Variants in R3HDM1 observed in about 807,000 individuals in gnomAD.
The protein encoded by R3HDM1 is R3H domain-containing protein 1.
In R3HDM1, 46 loss-of-function variants were observed where a neutral mutation model predicts 141.1. That is an observed-to-expected ratio of 0.33 (90% CI 0.26 to 0.42). The LOEUF (loss-of-function observed/expected upper bound fraction) is 0.42. R3HDM1 is among the 10% of genes least tolerant of loss of function. The pLI, the probability that R3HDM1 is intolerant of heterozygous loss-of-function variation, is 1.00. For synonymous variants in R3HDM1, 435 were observed against 472.9 expected, an observed-to-expected ratio of 0.92 and a Z score of 1.04; for missense variants, 1,184 against 1,368.3, an observed-to-expected ratio of 0.87 and a Z score of 2.12.
At chr2:135,647,578 C>T (rs1312440557) in intron 16 of R3HDM1, among the ~76,000 whole-genome samples, 1 of 152,132 alleles carries the variant, frequency 6.6e-6, no homozygotes. Flanking sequence ...GGATATTCAT[C>T]AAATTTCATA....
chr2:135,621,296 G>A (rs181665989), intron 5 of R3HDM1, among the ~76,000 whole-genome samples, 198 bp from the exon 6 acceptor site: 4 of 152,050 alleles, frequency 2.6e-5, no homozygotes, highest in East Asian at 1.9e-4. Context: ...AACTCAGAAC[G>A]TTAGTTTTAC....
intron 3 of R3HDM1, among the ~76,000 whole-genome samples, chr2:135,610,263 G>A (rs994661213): frequency 6.6e-6 from 1 of 152,116 alleles, no homozygotes; most frequent in African/African-American, 2.4e-5. Flanking sequence ...AAACATATCT[G>A]GGAACAGTTC....
chr2:135,631,699 T>G lies in R3HDM1; in HGVS notation c.498-19T>G, dbSNP rs752798645. 6.4e-7 allele frequency: 1 copy of G among 1,550,432 alleles called. No individual in the cohort carries two copies. Among genetic ancestry groups the G allele is most frequent in the Non-Finnish European group, 8.7e-7 (1 of 1,152,464 alleles). ...CATTGCTAAGTTTTACATATAAGAG[T>G]CTTCATACTTTGTTTCAGGGACAGA... On this transcript the variant is annotated intron_variant, in intron 7 of 26. Transcript: ENST00000683871.
intron 20 of R3HDM1, among the ~76,000 whole-genome samples, chr2:135,678,483 C>A (rs944760828): frequency 2.0e-5 from 3 of 151,972 alleles, no homozygotes; most frequent in African/African-American, 7.2e-5. Flanking sequence ...CGCAGTGGCT[C>A]ATGCCTGTAA....
intron 15 of R3HDM1, among the ~76,000 whole-genome samples, chr2:135,644,464 C>A (rs948995457): frequency 6.6e-6 from 1 of 152,098 alleles, no homozygotes; most frequent in African/African-American, 2.4e-5. Context: ...GAGATCGCAC[C>A]ACTGCACTCC....
intron 21 of R3HDM1, among the ~76,000 whole-genome samples, chr2:135,688,450 G>A (rs983544941): frequency 1.3e-5 from 2 of 152,090 alleles, no homozygotes; most frequent in African/African-American, 2.4e-5. Flanking sequence ...ATAAGATGAT[G>A]AATGAGTTTA....
intron 15 of R3HDM1, among the ~76,000 whole-genome samples, chr2:135,643,597 G>C (rs971764197): frequency 6.6e-6 from 1 of 151,982 alleles, no homozygotes; most frequent in African/African-American, 2.4e-5. Flanking sequence ...TTTTAGTAAA[G>C]AAAAATACTA....
intron 24 of R3HDM1, among the ~76,000 whole-genome samples, chr2:135,717,550 G>A (rs1350546213): frequency 6.6e-6 from 1 of 152,044 alleles, no homozygotes; most frequent in African/African-American, 2.4e-5. Context: ...ACAAAGAAGG[G>A]AACAATAGAC....
At chr2:135,565,535 G>A (rs917483051) in intron 1 of R3HDM1, among the ~76,000 whole-genome samples, 3 of 151,592 alleles carry the variant, frequency 2.0e-5, no homozygotes, top group African/African-American at 4.8e-5. Flanking sequence ...ATCAAAAATC[G>A]CTTTTCTTTA....
At chr2:135,567,035 A>G (rs1473209579) in intron 1 of R3HDM1, among the ~76,000 whole-genome samples, 1 of 151,664 alleles carries the variant, frequency 6.6e-6, no homozygotes, top group Non-Finnish European at 1.5e-5. Flanking sequence ...TATTGGCACT[A>G]CTGGCTCTAC....
intron 21 of R3HDM1, among the ~76,000 whole-genome samples, chr2:135,692,235 C>T (rs2072520514): frequency 6.6e-6 from 1 of 151,668 alleles, no homozygotes; most frequent in East Asian, 1.9e-4. Flanking sequence ...AGGTGAAGAT[C>T]AGTGTTGTTT....
intron 1 of R3HDM1, among the ~76,000 whole-genome samples, chr2:135,532,476 G>C (rs1272305839): frequency 6.6e-6 from 1 of 152,008 alleles, no homozygotes; most frequent in East Asian, 1.9e-4. Flanking sequence ...TAATTGTCCT[G>C]GGATAGTTAA....
chr2:135,570,106 A>G (rs1199850660), intron 1 of R3HDM1, among the ~76,000 whole-genome samples: 2 of 152,172 alleles, frequency 1.3e-5, no homozygotes, highest in African/African-American at 4.8e-5. Flanking sequence ...TCCTCAGCTG[A>G]TGATTTTGAA....
chr2:135,603,410 A>AT (rs1176966614), intron 2 of R3HDM1, among the ~76,000 whole-genome samples: 1 of 152,108 alleles, frequency 6.6e-6, no homozygotes, highest in Non-Finnish European at 1.5e-5. Flanking sequence ...TATTACGAAA[A>AT]TTTTCAGAAA....
At chr2:135,538,728 C>T (rs1696788802) in intron 1 of R3HDM1, among the ~76,000 whole-genome samples, 1 of 152,150 alleles carries the variant, frequency 6.6e-6, no homozygotes, top group East Asian at 1.9e-4. Context: ...ATTCTTCTGC[C>T]TCAGCCTCCC....
chr2:135,590,245 A>G (rs1484077720), intron 1 of R3HDM1, among the ~76,000 whole-genome samples: 2 of 152,182 alleles, frequency 1.3e-5, no homozygotes, highest in Non-Finnish European at 2.9e-5. Flanking sequence ...GATCACATAC[A>G]GTTTTTGGAA....
intron 1 of R3HDM1, among the ~76,000 whole-genome samples, chr2:135,557,679 C>T (rs558231057): frequency 1.3e-5 from 2 of 152,242 alleles, no homozygotes; most frequent in South Asian, 4.1e-4. Flanking sequence ...TCTGAATGAC[C>T]CAGCTTAAGT....
intron 1 of R3HDM1, among the ~76,000 whole-genome samples, chr2:135,585,422 C>T (rs1451547008): frequency 2.0e-5 from 3 of 152,160 alleles, no homozygotes; most frequent in African/African-American, 7.2e-5. Context: ...TCTTTCTTCA[C>T]ATCGTGCAGG....
intron 1 of R3HDM1, among the ~76,000 whole-genome samples, chr2:135,540,692 A>G (rs1331217364): frequency 6.6e-6 from 1 of 152,188 alleles, no homozygotes; most frequent in East Asian, 1.9e-4. Flanking sequence ...TGTTGGGATT[A>G]TAGGCATGAG....
Sources: allele counts gnomAD v4.1 joint callset (sites outside exome capture counted in the v4.1 genomes callset), GRCh38; gene constraint gnomAD v4.1.1; transcripts MANE v1.5; gene names NCBI Gene and HGNC (gene_info 2026-07-23, HGNC 2026-07-21).